Variants in MAST3 observed in about 807,000 individuals in gnomAD.
The protein encoded by MAST3 is microtubule associated serine/threonine kinase 3, also known as microtubule-associated serine/threonine-protein kinase 3.
MAST3 carries 43 observed loss-of-function variants against 127.0 expected under a neutral mutation model. The observed-to-expected ratio is 0.34, with a 90% CI of 0.27 to 0.44. The LOEUF (loss-of-function observed/expected upper bound fraction) is 0.44. Ranked by LOEUF, MAST3 falls within the 20% of genes least tolerant of loss-of-function variation. MAST3 has a pLI of 1.00. For synonymous variants in MAST3, 785 were observed against 809.2 expected (o/e 0.97, Z 0.51); for missense variants, 1,390 against 1,919.1 (o/e 0.72, Z 5.15).
At chr19:18,127,661 G>A (rs1459614639) in intron 11 of MAST3, among the ~76,000 whole-genome samples, 1 of 152,144 alleles carries the variant, frequency 6.6e-6, no homozygotes. Flanking sequence ...TCCAGCCTGG[G>A]CGACAGAGTG....
rs766428253 is a variant in MAST3 at position 18,134,612 on chromosome 19, C to T, written c.1605C>T (p.Leu535=). ...LLITSLGHIK[L]TDFGLSKIGL... is the part of the protein sequence containing the mutation. ...TCACCTCGCTTGGCCACATCAAGCT[C>T]ACGGACTTCGGCCTGTCCAAGATCG... The change falls in exon 16 of 28, where the codon CTC becomes CTT. Residue 535 remains leucine (L), a synonymous_variant. Transcript: ENST00000687212. 6.2e-7 allele frequency: 1 copy of T among 1,613,044 alleles called. No homozygotes were observed. Among genetic ancestry groups the T allele is most frequent in the Non-Finnish European group, 8.5e-7 (1 of 1,179,474 alleles).
At chr19:18,114,198 T>C (rs927598038) in intron 3 of MAST3, among the ~76,000 whole-genome samples, 4 of 151,588 alleles carry the variant, frequency 2.6e-5, no homozygotes, top group African/African-American at 9.7e-5. Context: ...TTTTCTTTTT[T>C]TTTTTTTTTA....
chr19:18,142,662 CTTTTTTT>C (rs2042624895), intron 21 of MAST3, among the ~76,000 whole-genome samples: 1 of 139,530 alleles, frequency 7.2e-6, no homozygotes, highest in South Asian at 2.4e-4. Flanking sequence ...TTTTTTTTTT[CTTTTTTT>C]AAGAGACTGG....
intron 1 of MAST3, among the ~76,000 whole-genome samples, chr19:18,099,192 G>A (rs1262715590): frequency 6.6e-6 from 1 of 151,892 alleles, no homozygotes; most frequent in East Asian, 1.9e-4. Flanking sequence ...CTCAGCAGGT[G>A]ATGGGAAGCC....
chr19:18,099,062 C>A, intron 1 of MAST3: 1 of 249,384 alleles, frequency 4.0e-6, no homozygotes, highest in Non-Finnish European at 8.3e-6. Context: ...CTAGGGAGGA[C>A]TGAGCAGGTG....
intron 14 of MAST3, 112 bp from the exon 15 acceptor site, chr19:18,131,797 C>T (rs1027966225): frequency 2.5e-6 from 3 of 1,216,904 alleles, no homozygotes; most frequent in Non-Finnish European, 3.5e-6. Flanking sequence ...AAACTGGGGA[C>T]CTTTTGCAGG....
intron 14 of MAST3, among the ~76,000 whole-genome samples, chr19:18,131,342 G>T (rs2041256661): frequency 6.7e-6 from 1 of 149,090 alleles, no homozygotes; most frequent in Non-Finnish European, 1.5e-5. Context: ...CTGCGCCACT[G>T]CACTCTAGCC....
At chr19:18,138,910 C>A in intron 19 of MAST3, 105 bp from the exon 20 acceptor site, 1 of 758,640 alleles carries the variant, frequency 1.3e-6, no homozygotes, top group Non-Finnish European at 2.3e-6. Context: ...AGAGCCTTTG[C>A]CCTGGCAGTG....
rs1414358056 is a variant in MAST3 at position 18,149,535 on chromosome 19, G to A, written c.3853G>A (p.Glu1285Lys). ...AGRRTRGPEAELVVMRRLHLS... is the reference protein window; with the variant it reads ...AGRRTRGPEAKLVVMRRLHLS... ...GCGGCGCACTCGTGGGCCAGAGGCC[G>A]AGCTCGTGGTCATGCGGCGGCTGCA... The change falls in exon 28 of 28, where the codon GAG (glutamate) becomes AAG (lysine). Residue 1285 changes from glutamate to lysine, a missense_variant. By Grantham distance (56) the Glu-to-Lys change is moderately conservative. Transcript: ENST00000687212. This position sits in a 1 kb window ranked among gnomAD's most constrained non-coding sequence, Gnocchi z 5.9. The A allele has an allele frequency of 4.5e-6, 7 of 1,560,468 alleles. No individual in the cohort carries two copies. Among genetic ancestry groups the A allele is most frequent in the Middle Eastern group, 1.7e-4 (1 of 5,986 alleles).
At position 18,131,954 on chromosome 19, in the gene MAST3, T is replaced by C; in HGVS notation, c.1478T>C (p.Val493Ala). 1 of 1,613,246 alleles carries C rather than the reference T, an allele frequency of 6.2e-7. No individual in the cohort carries two copies. The highest frequency in any genetic ancestry group is 8.5e-7 in the Non-Finnish European group (1 of 1,179,670). Reference protein sequence around the residue: ...TLLKNMGPLPVDMARLYFAET... With the variant: ...TLLKNMGPLPADMARLYFAET... ...CTGAAGAACATGGGCCCGCTGCCCG[T>C]GGACATGGCCCGCCTGTACTTCGCC... Residue 493 changes from valine (V) to alanine (A), a missense_variant, in exon 15 of 28, where the codon GTG (valine) becomes GCG (alanine). This residue lies in a region of MAST3 where 191 missense variants were observed against 409.0 expected (regional missense o/e 0.47). Coordinates refer to ENST00000687212, the MANE Select transcript of MAST3 (RefSeq NM_001393504.1).
chr19:18,109,346 T>C lies in MAST3; in HGVS notation c.72-1306T>C, dbSNP rs148695147. Among the ~76,000 whole-genome samples, 502 of 151,720 alleles carry C rather than the reference T, an allele frequency of 3.3e-3. 4 individuals are homozygous for C. Among genetic ancestry groups the C allele is most frequent in the African/African-American group, 0.011 (466 of 41,352 alleles). On this transcript the variant is annotated intron_variant, in intron 2 of 27. Coordinates refer to ENST00000687212, the MANE Select transcript of MAST3 (RefSeq NM_001393504.1). The stretch of plus-strand genomic sequence containing the variant: ...GCTTGAAGGCCCCAGTGGTTGGGGG[T>C]TGCTGGGGGACTGGGACATTGCCCC...
At position 18,139,037 on chromosome 19, in the gene MAST3, T is replaced by C. The variant is rs1336060916; in HGVS notation, c.2118T>C (p.His706=). Residue 706 remains histidine, a synonymous_variant, in exon 20 of 28, where the codon CAT becomes CAC. Transcript: ENST00000687212. ...YFDTRSERYR[H]LGSEDDETND... is the part of the protein sequence containing the mutation. Reference sequence around the variant, plus strand: ...CAGCACGTTCGGAACGTTACCGCCATCTGGGCTCCGAGGACGACGAGACCA... The same window carrying C: ...CAGCACGTTCGGAACGTTACCGCCACCTGGGCTCCGAGGACGACGAGACCA... The C allele has an allele frequency of 1.6e-5, 26 of 1,597,032 alleles. No individual in the cohort carries two copies. The South Asian group carries it at 2.8e-4, about 17-fold the overall frequency.
At chr19:18,139,322 G>A (rs2042201653) in intron 20 of MAST3, among the ~76,000 whole-genome samples, 198 bp downstream of exon 20, 1 of 150,592 alleles carries the variant, frequency 6.6e-6, no homozygotes, top group African/African-American at 2.4e-5. Context: ...AATTGTATTG[G>A]TTTTTTGTTT....
rs776710725 is a variant in MAST3 at position 18,143,935 on chromosome 19, G to A, written c.2512G>A (p.Val838Ile). 3.2e-5 allele frequency: 52 copies of A among 1,611,202 alleles called. No homozygotes were observed. The highest frequency in any genetic ancestry group is 4.5e-5 in the East Asian group (2 of 44,828). The change falls in exon 22 of 28, where the codon GTC becomes ATC. Residue 838 changes from valine to isoleucine, a missense_variant. Physicochemically the swap from Val to Ile is conservative, Grantham distance 29 (BLOSUM62 3). Around this residue, in one of 5 missense-constraint regions of MAST3, gnomAD observed 816 missense variants for 934.1 expected, o/e 0.87. Coordinates refer to ENST00000687212, the MANE Select transcript of MAST3 (RefSeq NM_001393504.1). Reference sequence around the variant, plus strand: ...AGGCCCTGCAGGCCCCAAGAGGCCCGTCTTCATTCTAGGGGAGCCTGACCC... The same window carrying A: ...AGGCCCTGCAGGCCCCAAGAGGCCCATCTTCATTCTAGGGGAGCCTGACCC... Reference protein sequence around the residue: ...GPGPAGPKRPVFILGEPDPPP... With the variant: ...GPGPAGPKRPIFILGEPDPPP...
intron 21 of MAST3, among the ~76,000 whole-genome samples, chr19:18,142,877 G>A (rs1452999300): frequency 2.0e-5 from 3 of 151,968 alleles, no homozygotes; most frequent in Admixed American, 6.5e-5. Context: ...TTGGGAAGCC[G>A]AGGCAGGTGG....
intron 3 of MAST3, among the ~76,000 whole-genome samples, chr19:18,111,537 T>TTTTTA (rs2038635479): frequency 7.4e-6 from 1 of 135,158 alleles, no homozygotes; most frequent in Non-Finnish European, 1.6e-5. Context: ...AGACTTTTTT[T>TTTTTA]TTTTTTTTTT....
intron 1 of MAST3, 115 bp from the exon 2 acceptor site, chr19:18,107,472 C>T (rs768707194): frequency 2.9e-4 from 305 of 1,048,166 alleles, no homozygotes; most frequent in Non-Finnish European, 3.2e-4. Context: ...GTAGAGTGAG[C>T]GGGAAAGATG....
intron 15 of MAST3, 128 bp downstream of exon 15, chr19:18,132,175 C>T (rs58987193): frequency 7.7e-7 from 1 of 1,296,386 alleles, no homozygotes; most frequent in East Asian, 2.4e-5. Context: ...CCCCATCTGT[C>T]TGAGCTCTGT....
At chr19:18,107,311 A>G (rs560492768) in intron 1 of MAST3, among the ~76,000 whole-genome samples, 26 of 152,092 alleles carry the variant, frequency 1.7e-4, no homozygotes, top group Admixed American at 7.9e-4. Context: ...GGGGAATTAG[A>G]CTGTGAATCT....
Sources: allele counts gnomAD v4.1 joint callset (sites outside exome capture counted in the v4.1 genomes callset), GRCh38; gene constraint gnomAD v4.1.1; regional missense constraint gnomAD v4.1.1; non-coding constraint Gnocchi (gnomAD v3.1); transcripts MANE v1.5; gene names NCBI Gene and HGNC (gene_info 2026-07-23, HGNC 2026-07-21).